CCDC3: variants seen among roughly 807,000 people sequenced by gnomAD.
CCDC3 encodes the protein coiled-coil domain containing 3.
Under a neutral mutation model 21.4 loss-of-function variants are expected in CCDC3, and 24 were observed. The ratio of observed to expected loss-of-function variants is 1.12; its 90% confidence interval spans 0.81 to 1.58. The LOEUF is 1.58. Among genes scored for constraint, CCDC3 ranks in the 40% most tolerant of loss-of-function variants. The probability of loss-of-function intolerance (pLI) is 0.00; values close to 1 mark genes in which losing one functional copy is unlikely to be tolerated. For synonymous variants in CCDC3, 186 were observed against 166.0 expected, an observed-to-expected ratio of 1.12 and a Z score of -0.93; for missense variants, 425 against 360.9, an observed-to-expected ratio of 1.18 and a Z score of -1.44.
At chr10:13,055,711 A>C (rs1338528465) in intron 4 of CCDC3, among the ~76,000 whole-genome samples, 2 of 152,202 alleles carry the variant, frequency 1.3e-5, no homozygotes, top group African/African-American at 4.8e-5. Context: ...TTATTACGGT[A>C]CCTTTATCTT....
At chr10:13,062,901 G>C (rs1053338052) in intron 4 of CCDC3, among the ~76,000 whole-genome samples, 9 of 152,036 alleles carry the variant, frequency 5.9e-5, no homozygotes, top group Non-Finnish European at 1.2e-4. Flanking sequence ...CAATAAACTT[G>C]CTCATCTGCT....
At chr10:13,088,413 G>T (rs1029430238) in intron 3 of CCDC3, among the ~76,000 whole-genome samples, 2 of 152,042 alleles carry the variant, frequency 1.3e-5, no homozygotes, top group African/African-American at 4.8e-5. Flanking sequence ...CACAAGAAAG[G>T]GACGTCATAA....
chr10:12,939,979 T>C (rs1834795501), intron 2 of CCDC3, among the ~76,000 whole-genome samples: 1 of 152,234 alleles, frequency 6.6e-6, no homozygotes, highest in Non-Finnish European at 1.5e-5. Context: ...AAAAATAGCA[T>C]TGACCTGGTC....
intron 5 of CCDC3, among the ~76,000 whole-genome samples, chr10:13,007,181 TG>T: frequency 6.6e-6 from 1 of 152,198 alleles, no homozygotes. Flanking sequence ...ATTGCTGTCG[TG>T]AAGGAAATAC....
At chr10:13,045,532 C>T (rs1415586961) in intron 5 of CCDC3, among the ~76,000 whole-genome samples, 6 of 152,036 alleles carry the variant, frequency 3.9e-5, no homozygotes, top group Non-Finnish European at 7.4e-5. Context: ...GCAGGAGAAT[C>T]GCTTGAACCT....
chr10:12,961,469 G>T (rs1429079717), intron 2 of CCDC3, among the ~76,000 whole-genome samples: 4 of 152,196 alleles, frequency 2.6e-5, no homozygotes, highest in African/African-American at 9.6e-5. Context: ...TCGGTCTAAA[G>T]TTGTCCTAGC....
At chr10:13,020,358 CAGTT>C (rs1333746413) in intron 5 of CCDC3, among the ~76,000 whole-genome samples, 1 of 152,186 alleles carries the variant, frequency 6.6e-6, no homozygotes, top group Non-Finnish European at 1.5e-5. Flanking sequence ...CTGTCATGAA[CAGTT>C]AGCGCGGTTT....
chr10:12,993,315 G>T (rs956658613), intron 2 of CCDC3, among the ~76,000 whole-genome samples: 1 of 152,214 alleles, frequency 6.6e-6, no homozygotes, highest in Non-Finnish European at 1.5e-5. Flanking sequence ...GAAGTTGTGG[G>T]AAGTTAGGGG....
intron 2 of CCDC3, among the ~76,000 whole-genome samples, chr10:12,917,271 G>A (rs1834374728): frequency 7.8e-6 from 1 of 127,898 alleles, no homozygotes. Context: ...TCGGCTCACT[G>A]CAAGCTCCGC....
At chr10:12,941,686 G>C (rs548652612) in intron 2 of CCDC3, among the ~76,000 whole-genome samples, 82 of 152,356 alleles carry the variant, frequency 5.4e-4, no homozygotes, top group African/African-American at 1.9e-3. Context: ...CCATGAGTCT[G>C]AGGTTGAGTT....
intron 2 of CCDC3, among the ~76,000 whole-genome samples, chr10:12,945,100 T>G (rs1464968762): frequency 6.6e-6 from 1 of 152,186 alleles, no homozygotes; most frequent in Non-Finnish European, 1.5e-5. Flanking sequence ...TGTGTCACAA[T>G]GAAAAAAATT....
At chr10:12,940,339 A>G (rs1394229251) in intron 2 of CCDC3, among the ~76,000 whole-genome samples, 2 of 148,382 alleles carry the variant, frequency 1.3e-5, no homozygotes, top group East Asian at 4.0e-4. Context: ...TGACATTTCA[A>G]GTATATTATT....
intron 2 of CCDC3, among the ~76,000 whole-genome samples, chr10:12,989,474 T>A (rs1411839065): frequency 6.6e-6 from 1 of 152,122 alleles, no homozygotes; most frequent in Non-Finnish European, 1.5e-5. Flanking sequence ...CAAGCTGGAG[T>A]GTAATGGCAC....
intron 4 of CCDC3, among the ~76,000 whole-genome samples, chr10:13,052,938 TCACACACACACACACACACACA>T (rs56261341): frequency 1.8e-4 from 24 of 134,436 alleles, no homozygotes; most frequent in African/African-American, 5.1e-4. Context: ...TGAGACTCTG[TCACACACACACACACACACACA>T]CACACACACA....
intron 4 of CCDC3, among the ~76,000 whole-genome samples, chr10:13,066,986 GC>G (rs1836827533): frequency 1.3e-5 from 2 of 152,318 alleles, no homozygotes; most frequent in African/African-American, 4.8e-5. Flanking sequence ...GAACTAAGGA[GC>G]AAAATTCTGC....
chr10:12,907,846 GA>G (rs2131200130), intron 2 of CCDC3, among the ~76,000 whole-genome samples: 1 of 152,214 alleles, frequency 6.6e-6, no homozygotes, highest in African/African-American at 2.4e-5. Flanking sequence ...CGCAGATGAG[GA>G]AAAATCCATT....
upstream of CCDC3, among the ~76,000 whole-genome samples, chr10:13,002,427 A>T (rs952631867): frequency 2.0e-5 from 3 of 152,090 alleles, no homozygotes; most frequent in Non-Finnish European, 4.4e-5. Flanking sequence ...TATATCTGTC[A>T]CCCAGGCTGG....
chr10:12,942,122 T>C (rs1473124579), intron 2 of CCDC3, among the ~76,000 whole-genome samples: 1 of 152,164 alleles, frequency 6.6e-6, no homozygotes, highest in Non-Finnish European at 1.5e-5. Flanking sequence ...AGCTAGCCCT[T>C]TGACATGGAA....
intron 2 of CCDC3, among the ~76,000 whole-genome samples, chr10:12,981,768 C>G (rs985916795): frequency 3.3e-5 from 5 of 151,980 alleles, no homozygotes; most frequent in African/African-American, 1.2e-4. Flanking sequence ...ATTCCATCCC[C>G]TATGAGTTAC....
Sources: gnomAD v4.1 joint callset for allele counts (sites outside exome capture counted in the v4.1 genomes callset) on GRCh38, gnomAD v4.1.1 for gene constraint, MANE v1.5 for transcripts, NCBI Gene and HGNC (gene_info 2026-07-23, HGNC 2026-07-21) for gene names.